NXPE2: variants seen among roughly 807,000 people sequenced by gnomAD.
NXPE2 encodes neurexophilin and PC-esterase domain family member 2, also known as NXPE family member 2.
In NXPE2, 34 loss-of-function variants were observed where a neutral mutation model predicts 34.4. The observed-to-expected ratio is 0.99, with a 90% CI of 0.75 to 1.31. The LOEUF (loss-of-function observed/expected upper bound fraction) is 1.31, where lower values mean the gene tolerates loss of function less well. Ranked by LOEUF, NXPE2 falls within the 40% of genes most tolerant of loss-of-function variation. NXPE2 has a pLI of 0.00. For synonymous variants in NXPE2, 235 were observed against 231.3 expected (o/e 1.02, Z -0.15); for missense variants, 649 against 672.5 (o/e 0.97, Z 0.39).
At chr11:114,710,996 T>C (rs1426625139), downstream of NXPE2, among the ~76,000 whole-genome samples, 2 of 152,138 alleles carry the variant, frequency 1.3e-5, no homozygotes, top group Non-Finnish European at 2.9e-5. Context: ...AAAAACTACA[T>C]GATCATCTCA....
the NXPE2 span, chr11:114,526,539 G>C: frequency 7.9e-6 from 1 of 126,140 alleles, no homozygotes; most frequent in Non-Finnish European, 1.7e-5. Context: ...GGTTTCTGTG[G>C]CTTTCAAGTC....
the NXPE2 span, among the ~76,000 whole-genome samples, chr11:114,479,909 T>C: frequency 1.3e-5 from 2 of 152,064 alleles, no homozygotes; most frequent in Non-Finnish European, 2.9e-5. Context: ...TCAGGAAGCT[T>C]ATAATCATGG....
the NXPE2 span, among the ~76,000 whole-genome samples, chr11:114,643,934 T>A: frequency 6.6e-6 from 1 of 152,210 alleles, no homozygotes; most frequent in Admixed American, 6.5e-5. Context: ...CCTCTCTTAT[T>A]TTCTTGAGCA....
chr11:114,591,765 A>G, the NXPE2 span, among the ~76,000 whole-genome samples: 12 of 152,202 alleles, frequency 7.9e-5, no homozygotes, highest in Non-Finnish European at 1.8e-4. Context: ...AGGCCCCTGT[A>G]TGATGTTTGC....
chr11:114,586,897 G>T, the NXPE2 span, among the ~76,000 whole-genome samples: 2 of 152,096 alleles, frequency 1.3e-5, no homozygotes, highest in Non-Finnish European at 2.9e-5. Flanking sequence ...ATAATGCCTG[G>T]GAATATAGCT....
chr11:114,627,917 CAAAG>C, the NXPE2 span, among the ~76,000 whole-genome samples: 2 of 151,766 alleles, frequency 1.3e-5, no homozygotes, highest in Non-Finnish European at 2.9e-5. Context: ...TCAAAAGAGA[CAAAG>C]AAGGCCATTA....
At chr11:114,796,402 G>A in the NXPE2 span, among the ~76,000 whole-genome samples, 173 of 152,092 alleles carry the variant, frequency 1.1e-3, no homozygotes, top group African/African-American at 4.0e-3. Context: ...TATTATTATA[G>A]CTAAAACCTT....
At chr11:114,542,304 A>G in the NXPE2 span, among the ~76,000 whole-genome samples, 1 of 152,216 alleles carries the variant, frequency 6.6e-6, no homozygotes, top group Non-Finnish European at 1.5e-5. Flanking sequence ...CTTTAATTAT[A>G]AGAGTCACAG....
chr11:114,672,269 A>C, the NXPE2 span, among the ~76,000 whole-genome samples: 2 of 151,968 alleles, frequency 1.3e-5, no homozygotes, highest in African/African-American at 2.4e-5. Flanking sequence ...AGAACATAAA[A>C]ACCATGAATA....
At chr11:114,668,025 A>G in the NXPE2 span, among the ~76,000 whole-genome samples, 1 of 152,018 alleles carries the variant, frequency 6.6e-6, no homozygotes, top group Non-Finnish European at 1.5e-5. Flanking sequence ...TTGAGGTTCT[A>G]CAGGTACACA....
the NXPE2 span, among the ~76,000 whole-genome samples, chr11:114,787,235 T>C: frequency 6.6e-6 from 1 of 152,126 alleles, no homozygotes; most frequent in African/African-American, 2.4e-5. Context: ...GGAGCCTCCC[T>C]TGGTGCTGCA....
chr11:114,483,781 C>A, the NXPE2 span, among the ~76,000 whole-genome samples: 10 of 152,138 alleles, frequency 6.6e-5, no homozygotes, highest in African/African-American at 2.4e-4. Flanking sequence ...CCTGCCATAC[C>A]CCTGTGATCA....
chr11:114,491,213 A>G, the NXPE2 span, among the ~76,000 whole-genome samples: 4 of 150,990 alleles, frequency 2.6e-5, no homozygotes, highest in Admixed American at 6.6e-5. Context: ...AACTACCATC[A>G]GAGTGAACAG....
chr11:114,466,455 G>A, the NXPE2 span, among the ~76,000 whole-genome samples: 1 of 152,014 alleles, frequency 6.6e-6, no homozygotes. Context: ...CTTGTCCCCT[G>A]GTGAGCAGCA....
At chr11:114,753,664 C>G in the NXPE2 span, among the ~76,000 whole-genome samples, 2 of 152,026 alleles carry the variant, frequency 1.3e-5, no homozygotes, top group Non-Finnish European at 2.9e-5. Flanking sequence ...CTGAGCCATG[C>G]GTAAAGAGAA....
At chr11:114,632,665 AG>A in the NXPE2 span, among the ~76,000 whole-genome samples, 1 of 83,042 alleles carries the variant, frequency 1.2e-5, no homozygotes, top group African/African-American at 5.6e-5. Context: ...ATAAATATAT[AG>A]TATATATATT....
At chr11:114,533,333 G>C in the NXPE2 span, among the ~76,000 whole-genome samples, 1 of 152,150 alleles carries the variant, frequency 6.6e-6, no homozygotes, top group East Asian at 1.9e-4. Flanking sequence ...AATAAGAACA[G>C]CTCCAGTCTA....
At chr11:114,616,110 GGTAACCACT>G in the NXPE2 span, among the ~76,000 whole-genome samples, 2 of 151,292 alleles carry the variant, frequency 1.3e-5, no homozygotes, top group South Asian at 4.2e-4. Context: ...ATGCATCATG[GGTAACCACT>G]GTTATCCGGT....
the NXPE2 span, among the ~76,000 whole-genome samples, chr11:114,616,745 C>T: frequency 2.0e-4 from 31 of 151,710 alleles, no homozygotes; most frequent in Admixed American, 8.5e-4. Context: ...TGGGTAACCA[C>T]GGTTAACCGG....
Sources: gnomAD v4.1 joint callset for allele counts (sites outside exome capture counted in the v4.1 genomes callset) on GRCh38, gnomAD v4.1.1 for gene constraint, MANE v1.5 for transcripts, NCBI Gene and HGNC (gene_info 2026-07-23, HGNC 2026-07-21) for gene names.